The following MID1 variants were observed in gnomAD, a reference collection of about 807,000 sequenced individuals.
MID1 encodes midline 1.
A neutral mutation model predicts 40.4 loss-of-function variants in MID1; 7 were observed. That is an observed-to-expected ratio of 0.17 (90% CI 0.10 to 0.33). MID1 has a LOEUF of 0.33. MID1 is among the 10% of genes least tolerant of loss of function. MID1 has a pLI of 1.00. For synonymous variants in MID1, 229 were observed against 221.2 expected (o/e 1.04, Z -0.31); for missense variants, 367 against 558.5 (o/e 0.66, Z 3.46).
rs757426965 is a variant in MID1, at chrX:10,580,933, T to TAAA, written c.-56-13333_-56-13331dup. On this transcript the variant is annotated intron_variant, in intron 1 of 9. Coordinates refer to ENST00000317552, the MANE Select transcript of MID1 (RefSeq NM_000381.4). ...CTGACACTGTCAATGTGGTGTCCTG[T>TAAA]AAAAAAAAAAAAAAAAAAAAAAAAA... 5.7e-3 allele frequency among the ~76,000 whole-genome samples: 332 copies of TAAA among 58,470 alleles called. 7 individuals carry two copies. Among genetic ancestry groups the TAAA allele is most frequent in the African/African-American group, 0.019 (309 of 16,071 alleles). 50.8% of individuals were successfully genotyped at this position (58,470 alleles called of 115,157 possible). A position where few individuals can be genotyped will look rare whatever the true frequency, so the allele number is the denominator to read the frequency against.
rs190487010 is a variant in MID1 at position 10,823,168 on chromosome X, T to G, written c.-187+10386A>C. ...TAAAAAGGAATGAGATCATGTCCTT[T>G]GCAGGGACATGGATGGAGCTGGAAG... is the stretch of plus-strand genomic sequence containing the variant. On this transcript the variant is annotated intron_variant, in intron 1 of 10. Transcript: ENST00000380785. Among the ~76,000 whole-genome samples, 5 of 111,766 alleles carry G rather than the reference T, an allele frequency of 4.5e-5. No individual in the cohort carries two copies. In the East Asian group the frequency reaches 1.4e-3, roughly 32 times the overall value.
At chrX:10,576,339 C>A (rs777586405) in intron 1 of MID1, among the ~76,000 whole-genome samples, 58 of 111,491 alleles carry the variant, frequency 5.2e-4, no homozygotes, top group African/African-American at 1.8e-3. Context: ...CCTGACCATG[C>A]AACCTGATTA....
In MID1 at chrX:10,720,338, A is replaced by C. The variant is rs1019479010; in HGVS notation, c.-186-99919T>G. 2.1e-3 allele frequency among the ~76,000 whole-genome samples: 238 copies of C among 112,129 alleles called. 1 individual carries two copies. Among genetic ancestry groups the C allele is most frequent in the African/African-American group, 7.2e-3 (222 of 30,842 alleles). On this transcript the variant is annotated intron_variant, in intron 1 of 10. Coordinates refer to the MID1 transcript ENST00000380785. ...AATATCCAGAATCTACAATGAACTC[A>C]AACAAATTTACAAGAAAAAAACAAA...
intron 2 of MID1, among the ~76,000 whole-genome samples, chrX:10,539,859 C>T (rs758948614): frequency 1.8e-5 from 2 of 112,482 alleles, no homozygotes; most frequent in Non-Finnish European, 3.8e-5. Flanking sequence ...ATCCTTCCAC[C>T]TCAGCCTCCT....
intron 1 of MID1, among the ~76,000 whole-genome samples, chrX:10,730,698 A>G (rs972986758): frequency 3.7e-5 from 4 of 107,743 alleles, no homozygotes; most frequent in African/African-American, 1.4e-4. Flanking sequence ...CAGCCTCCCG[A>G]GTAGCTGGGA....
chrX:10,564,996 A>C (rs921928018), intron 2 of MID1, among the ~76,000 whole-genome samples: 1 of 35,717 alleles, frequency 2.8e-5, no homozygotes, highest in African/African-American at 1.1e-4. Context: ...CCAACCAAAA[A>C]AGGGGTAAAA....
At chrX:10,496,605 G>C in intron 3 of MID1, among the ~76,000 whole-genome samples, 1 of 112,510 alleles carries the variant, frequency 8.9e-6, no homozygotes, top group Non-Finnish European at 1.9e-5. Flanking sequence ...AATGACAATG[G>C]CATTGATTAT....
At chrX:10,619,282 C>G (rs1185207827) in intron 1 of MID1, among the ~76,000 whole-genome samples, 1 of 112,190 alleles carries the variant, frequency 8.9e-6, no homozygotes, top group Non-Finnish European at 1.9e-5. Context: ...GGCGAGCACC[C>G]AACCCACTTA....
intron 2 of MID1, among the ~76,000 whole-genome samples, chrX:10,558,468 T>A (rs1934210228): frequency 8.8e-6 from 1 of 113,247 alleles, no homozygotes; most frequent in Admixed American, 9.3e-5. Flanking sequence ...TCAACAAGTG[T>A]TTATTAATTG....
chrX:10,800,811 A>G (rs1233300892), intron 1 of MID1, among the ~76,000 whole-genome samples: 2 of 112,492 alleles, frequency 1.8e-5, no homozygotes, highest in Admixed American at 1.9e-4. Flanking sequence ...GCTAATATGT[A>G]GATATAATAA....
chrX:10,832,933 C>T (rs1053875148), intron 1 of MID1, among the ~76,000 whole-genome samples: 4 of 112,309 alleles, frequency 3.6e-5, no homozygotes, highest in Admixed American at 9.4e-5. Flanking sequence ...CTTTATTCAC[C>T]GTTCTCGCCA....
upstream of MID1, among the ~76,000 whole-genome samples, chrX:10,621,542 G>T (rs1935934111): frequency 8.9e-6 from 1 of 111,806 alleles, no homozygotes; most frequent in African/African-American, 3.3e-5. Context: ...CCCAAGAAAT[G>T]ACCGCAATTT....
intron 1 of MID1, among the ~76,000 whole-genome samples, chrX:10,828,333 G>A (rs1160578605): frequency 9.0e-6 from 1 of 111,351 alleles, no homozygotes; most frequent in Non-Finnish European, 1.9e-5. Flanking sequence ...ACATTCTGCT[G>A]GGGTAGGGTG....
At chrX:10,513,859 A>G (rs1359658936) in intron 3 of MID1, among the ~76,000 whole-genome samples, 1 of 112,036 alleles carries the variant, frequency 8.9e-6, no homozygotes, top group African/African-American at 3.2e-5. Flanking sequence ...ATTATTCTTT[A>G]TATCATGCCA....
chrX:10,786,103 A>T (rs1192314239), intron 1 of MID1, among the ~76,000 whole-genome samples: 1 of 111,870 alleles, frequency 8.9e-6, no homozygotes, highest in Non-Finnish European at 1.9e-5. Context: ...TCTACAATGA[A>T]CTCAAACAAA....
chrX:10,778,402 CTGTT>C (rs1279759522), intron 1 of MID1, among the ~76,000 whole-genome samples: 1 of 111,319 alleles, frequency 9.0e-6, no homozygotes, highest in African/African-American at 3.3e-5. Flanking sequence ...TAATAAATAT[CTGTT>C]TGTTTATCTC....
At chrX:10,704,993 ACCTCGTGATCCACCTGCCTTGG>A (rs2043220026) in intron 1 of MID1, among the ~76,000 whole-genome samples, 1 of 110,381 alleles carries the variant, frequency 9.1e-6, no homozygotes, top group South Asian at 3.9e-4. Flanking sequence ...TGAACTCCTG[ACCTCGTGATCCACCTGCCTTGG>A]CCTCCCAAAG....
At position 10,620,277 on chromosome X, in the gene MID1, C is replaced by A. The variant is rs1299143205; in HGVS notation, c.-57+13G>T. On this transcript the variant is annotated intron_variant, in intron 1 of 9. Coordinates refer to ENST00000317552, the MANE Select transcript of MID1 (RefSeq NM_000381.4). ...CCGCCCCCTCCGCCGCCAGCGCAAC[C>A]GCCTGAGCTTACCTGCCTCATGTTT... The A allele has an allele frequency of 8.9e-6, 1 of 112,726 alleles. No homozygotes were observed. Among genetic ancestry groups the A allele is most frequent in the African/African-American group, 3.2e-5 (1 of 31,004 alleles). The allele number at this position is 112,726 out of a possible 1,213,427, so 9.3% of individuals were successfully genotyped here.
chrX:10,555,433 T>A (rs1934081011), intron 2 of MID1, among the ~76,000 whole-genome samples: 1 of 111,603 alleles, frequency 9.0e-6, no homozygotes, highest in Non-Finnish European at 1.9e-5. Context: ...TTAAAAATTA[T>A]CTCATTGATT....
Sources: gnomAD v4.1 joint callset for allele counts (sites outside exome capture counted in the v4.1 genomes callset) on GRCh38, gnomAD v4.1.1 for gene constraint, MANE v1.5 for transcripts, NCBI Gene and HGNC (gene_info 2026-07-23, HGNC 2026-07-21) for gene names.